The following PIP4K2A variants were observed in gnomAD, a reference collection of about 807,000 sequenced individuals.
The protein encoded by PIP4K2A is phosphatidylinositol-5-phosphate 4-kinase type 2 alpha, also known as phosphatidylinositol 5-phosphate 4-kinase type-2 alpha.
Under a neutral mutation model 42.9 loss-of-function variants are expected in PIP4K2A, and 14 were observed. The observed-to-expected ratio is 0.33, with a 90% CI of 0.22 to 0.51. The LOEUF is 0.51. Among genes scored for constraint, PIP4K2A ranks in the 20% least tolerant of loss-of-function variants. The pLI is 0.97. For synonymous variants in PIP4K2A, 192 were observed against 192.2 expected (o/e 1.00, Z 0.01); for missense variants, 434 against 519.8 (o/e 0.83, Z 1.61).
intron 5 of PIP4K2A, among the ~76,000 whole-genome samples, chr10:22,571,832 G>C (rs1460149449): frequency 6.6e-6 from 1 of 152,186 alleles, no homozygotes; most frequent in Non-Finnish European, 1.5e-5. Context: ...ACACCACACA[G>C]ACTGACAGCG....
At chr10:22,613,609 G>A (rs765778514) in intron 1 of PIP4K2A, among the ~76,000 whole-genome samples, 2 of 152,154 alleles carry the variant, frequency 1.3e-5, no homozygotes, top group African/African-American at 2.4e-5. Flanking sequence ...AAAGGTTAAA[G>A]AGAACACAGA....
chr10:22,548,552 A>G (rs114887890), intron 7 of PIP4K2A, among the ~76,000 whole-genome samples: 2,173 of 152,334 alleles, frequency 0.014, 39 homozygotes, highest in African/African-American at 0.049. Flanking sequence ...TGATTAATCA[A>G]TAAAAATCCA....
At chr10:22,705,741 C>T (rs1370216515) in intron 1 of PIP4K2A, among the ~76,000 whole-genome samples, 2 of 152,014 alleles carry the variant, frequency 1.3e-5, no homozygotes, top group East Asian at 3.9e-4. Flanking sequence ...GCCACTGTGG[C>T]CACACCCAAA....
intron 6 of PIP4K2A, among the ~76,000 whole-genome samples, chr10:22,555,800 G>C (rs974407004): frequency 6.6e-5 from 10 of 151,686 alleles, no homozygotes; most frequent in African/African-American, 2.2e-4. Flanking sequence ...ATCTAAACCT[G>C]GGGGTCCAAT....
intron 6 of PIP4K2A, among the ~76,000 whole-genome samples, chr10:22,553,789 CTT>C (rs3074629): frequency 0.57 from 67,560 of 118,376 alleles, 18,689 homozygotes; most frequent in South Asian, 0.73. Flanking sequence ...GGTTGAAAAA[CTT>C]TTTTTTTTTT....
At chr10:22,601,152 AAAAAAAAAAAAC>A (rs1463256419) in intron 3 of PIP4K2A, among the ~76,000 whole-genome samples, 1,583 of 136,992 alleles carry the variant, frequency 0.012, 43 homozygotes, top group Non-Finnish European at 0.02. Context: ...AAAAAAAAAA[AAAAAAAAAAAAC>A]AAACCAGGAA....
At chr10:22,641,027 T>A (rs1187084251) in intron 1 of PIP4K2A, among the ~76,000 whole-genome samples, 1 of 152,216 alleles carries the variant, frequency 6.6e-6, no homozygotes, top group African/African-American at 2.4e-5. Context: ...TTATCAAGCC[T>A]TATCAGCTCA....
chr10:22,657,996 T>A (rs1839133893), intron 1 of PIP4K2A, among the ~76,000 whole-genome samples: 1 of 152,226 alleles, frequency 6.6e-6, no homozygotes. Flanking sequence ...CTGAGATCAC[T>A]GCTACAGAAA....
intron 1 of PIP4K2A, among the ~76,000 whole-genome samples, chr10:22,654,054 G>C (rs1839044948): frequency 6.6e-6 from 1 of 152,042 alleles, no homozygotes. Context: ...CCTCACTATG[G>C]GGCTTAGATT....
intron 3 of PIP4K2A, 147 bp downstream of exon 3, chr10:22,607,780 G>A: frequency 1.8e-6 from 1 of 551,256 alleles, no homozygotes; most frequent in East Asian, 3.0e-5. Flanking sequence ...CTTTACTTCA[G>A]CATGAACATT....
intron 1 of PIP4K2A, among the ~76,000 whole-genome samples, chr10:22,636,419 T>C (rs994726288): frequency 6.6e-6 from 1 of 152,004 alleles, no homozygotes; most frequent in Non-Finnish European, 1.5e-5. Flanking sequence ...ACCCAGCTAA[T>C]TAAAACAAAC....
intron 1 of PIP4K2A, among the ~76,000 whole-genome samples, chr10:22,662,545 G>C (rs546064079): frequency 6.6e-6 from 1 of 152,314 alleles, no homozygotes; most frequent in Non-Finnish European, 1.5e-5. Context: ...TCAGTGTTCA[G>C]CTTTGCCCTT....
At chr10:22,629,015 T>C (rs1254298624) in intron 1 of PIP4K2A, among the ~76,000 whole-genome samples, 1 of 152,210 alleles carries the variant, frequency 6.6e-6, no homozygotes, top group African/African-American at 2.4e-5. Context: ...TCCGTTCAGA[T>C]GGTTTGGGGA....
chr10:22,557,025 T>C (rs1031422709), intron 6 of PIP4K2A, among the ~76,000 whole-genome samples: 2 of 152,160 alleles, frequency 1.3e-5, no homozygotes, highest in Non-Finnish European at 2.9e-5. Context: ...AGCCTGAAGA[T>C]AACCAACACA....
intron 4 of PIP4K2A, among the ~76,000 whole-genome samples, chr10:22,579,082 G>A (rs1351859838): frequency 6.6e-6 from 1 of 152,106 alleles, no homozygotes; most frequent in Non-Finnish European, 1.5e-5. Flanking sequence ...AGGAAAAAAG[G>A]CATATGTCGG....
At chr10:22,593,173 C>G (rs929153199) in intron 3 of PIP4K2A, among the ~76,000 whole-genome samples, 1 of 152,206 alleles carries the variant, frequency 6.6e-6, no homozygotes, top group African/African-American at 2.4e-5. Flanking sequence ...ATGAGCAAAT[C>G]TTCATCTTCC....
chr10:22,619,598 G>T (rs955334931), intron 1 of PIP4K2A, among the ~76,000 whole-genome samples: 3 of 151,998 alleles, frequency 2.0e-5, no homozygotes, highest in African/African-American at 7.2e-5. Context: ...CACCACGTGT[G>T]GCTAGTTTTT....
At chr10:22,564,936 C>A (rs1484223467) in intron 6 of PIP4K2A, among the ~76,000 whole-genome samples, 4 of 152,168 alleles carry the variant, frequency 2.6e-5, no homozygotes, top group African/African-American at 9.7e-5. Context: ...AGTTCATTTC[C>A]TCTGGTTCAT....
chr10:22,593,336 C>T (rs1364570219), intron 3 of PIP4K2A, among the ~76,000 whole-genome samples: 1 of 151,796 alleles, frequency 6.6e-6, no homozygotes, highest in Non-Finnish European at 1.5e-5. Context: ...TATTAGAAAA[C>T]TTGAGAGAAG....
Sources: allele counts gnomAD v4.1 joint callset (sites outside exome capture counted in the v4.1 genomes callset), GRCh38; gene constraint gnomAD v4.1.1; transcripts MANE v1.5; gene names NCBI Gene and HGNC (gene_info 2026-07-23, HGNC 2026-07-21).